The following GDPD1 variants were observed in gnomAD, a reference collection of about 807,000 sequenced individuals.
GDPD1 encodes lysophospholipase D GDPD1.
Under a neutral mutation model 45.1 loss-of-function variants are expected in GDPD1, and 28 were observed. That is an observed-to-expected ratio of 0.62 (90% CI 0.46 to 0.85). GDPD1 has a LOEUF of 0.85. Ranked by LOEUF, GDPD1 falls within the 40% of genes least tolerant of loss-of-function variation. The pLI, the probability that GDPD1 is intolerant of heterozygous loss-of-function variation, is 0.00. For synonymous variants in GDPD1, 139 were observed against 131.4 expected (o/e 1.06, Z -0.40); for missense variants, 256 against 364.8 (o/e 0.70, Z 2.43).
intron 6 of GDPD1, among the ~76,000 whole-genome samples, chr17:59,263,605 A>G (rs1197048561): frequency 6.7e-6 from 1 of 150,196 alleles, no homozygotes; most frequent in African/African-American, 2.5e-5. Flanking sequence ...CAGCCTCCCG[A>G]GTAGCTGGGA....
intron 6 of GDPD1, among the ~76,000 whole-genome samples, chr17:59,259,366 G>A (rs2047334761): frequency 6.6e-6 from 1 of 151,666 alleles, no homozygotes; most frequent in East Asian, 2.0e-4. Flanking sequence ...GGGAGATTGA[G>A]ACCATCCTGG....
At chr17:59,241,990 A>C (rs899594134) in intron 2 of GDPD1, among the ~76,000 whole-genome samples, 2 of 152,162 alleles carry the variant, frequency 1.3e-5, no homozygotes, top group Non-Finnish European at 2.9e-5. Context: ...GTAATTTACT[A>C]TGATGAGGTT....
chr17:59,270,714 T>G (rs1226718551), intron 7 of GDPD1, among the ~76,000 whole-genome samples: 2 of 152,068 alleles, frequency 1.3e-5, no homozygotes, highest in Non-Finnish European at 2.9e-5. Context: ...ATTTATTTAT[T>G]TATTTATTTA....
chr17:59,220,879 G>A, intron 1 of GDPD1, 128 bp downstream of exon 1: 1 of 1,060,052 alleles, frequency 9.4e-7, no homozygotes, highest in African/African-American at 1.6e-5. Flanking sequence ...TGAATTGAGG[G>A]CTCTTCCGGA....
intron 1 of GDPD1, among the ~76,000 whole-genome samples, chr17:59,231,175 A>C (rs1358299355): frequency 6.6e-6 from 1 of 152,122 alleles, no homozygotes; most frequent in Non-Finnish European, 1.5e-5. Context: ...TTACTCCTTG[A>C]TAACTGTTCT....
chr17:59,261,912 G>GATTTTTTT (rs1568349072), intron 6 of GDPD1, among the ~76,000 whole-genome samples: 2 of 98,956 alleles, frequency 2.0e-5, no homozygotes, highest in African/African-American at 5.8e-5. Flanking sequence ...GAGATTACAG[G>GATTTTTTT]CTTTTTTTTT....
intron 4 of GDPD1, among the ~76,000 whole-genome samples, chr17:59,256,141 A>T (rs2047307582): frequency 6.6e-6 from 1 of 151,720 alleles, no homozygotes; most frequent in Non-Finnish European, 1.5e-5. Flanking sequence ...CAAATGCAAA[A>T]CCCCATCTCT....
intron 4 of GDPD1, among the ~76,000 whole-genome samples, chr17:59,255,699 C>T (rs1427755779): frequency 2.3e-5 from 3 of 129,336 alleles, no homozygotes; most frequent in Admixed American, 8.5e-5. Flanking sequence ...GCCGAGATCG[C>T]ACTATCGCAC....
intron 3 of GDPD1, among the ~76,000 whole-genome samples, chr17:59,247,356 T>C (rs781472451): frequency 3.9e-5 from 6 of 152,206 alleles, no homozygotes; most frequent in Admixed American, 1.3e-4. Context: ...TCCACTGCTC[T>C]AAACATTCTG....
chr17:59,265,094 G>C (rs1038487990), intron 6 of GDPD1, among the ~76,000 whole-genome samples: 1 of 152,124 alleles, frequency 6.6e-6, no homozygotes, highest in Non-Finnish European at 1.5e-5. Flanking sequence ...ACCCGCCTTG[G>C]CCTCCCAAAG....
chr17:59,260,968 A>G (rs1170261404), intron 6 of GDPD1: 2 of 152,140 alleles, frequency 1.3e-5, no homozygotes, highest in African/African-American at 2.4e-5. Flanking sequence ...CCACTAAAGC[A>G]AGTAAGTTTG....
At chr17:59,258,232 T>C (rs1276526775) in intron 6 of GDPD1, among the ~76,000 whole-genome samples, 3 of 150,558 alleles carry the variant, frequency 2.0e-5, no homozygotes, top group Non-Finnish European at 4.4e-5. Context: ...TGGCCCTTAT[T>C]ACAGTAATAA....
intron 1 of GDPD1, among the ~76,000 whole-genome samples, chr17:59,232,885 TAAAAAA>T (rs77660195): frequency 6.7e-6 from 1 of 150,282 alleles, no homozygotes; most frequent in African/African-American, 2.4e-5. Flanking sequence ...TCTTCTCACT[TAAAAAA>T]AAAATAACAG....
chr17:59,259,305 C>A (rs1218905221), intron 6 of GDPD1, among the ~76,000 whole-genome samples: 1 of 151,488 alleles, frequency 6.6e-6, no homozygotes, highest in Non-Finnish European at 1.5e-5. Flanking sequence ...CGGTGGCTCA[C>A]GCCTGTAATC....
chr17:59,237,575 T>C (rs1179950336), intron 2 of GDPD1, among the ~76,000 whole-genome samples: 1 of 152,074 alleles, frequency 6.6e-6, no homozygotes, highest in African/African-American at 2.4e-5. Flanking sequence ...AATGACCAGC[T>C]AAAACTTAGA....
intron 4 of GDPD1, among the ~76,000 whole-genome samples, chr17:59,253,874 G>A (rs1000666334): frequency 2.6e-5 from 4 of 152,046 alleles, no homozygotes; most frequent in Non-Finnish European, 4.4e-5. Context: ...TGTGGTGACA[G>A]CTCTATCACA....
At chr17:59,234,671 AT>A in intron 2 of GDPD1, 137 bp downstream of exon 2, 2 of 641,780 alleles carry the variant, frequency 3.1e-6, no homozygotes, top group South Asian at 4.5e-5. Flanking sequence ...TTTTGTTAAA[AT>A]TTCTTTTTTT....
rs1015076070 is a variant in GDPD1, at chr17:59,272,956, C to G, written c.822+120C>G. On this transcript the variant is annotated intron_variant, in intron 9 of 9. Coordinates refer to ENST00000284116, the MANE Select transcript of GDPD1 (RefSeq NM_182569.4). Reference sequence around the variant, plus strand: ...CCTTGACTCTGATGCTGCTGCTTTACTGATCCACAAATGAGGACCTTAAGC... The same window carrying G: ...CCTTGACTCTGATGCTGCTGCTTTAGTGATCCACAAATGAGGACCTTAAGC... 3 of 1,587,020 alleles carry G rather than the reference C, an allele frequency of 1.9e-6. No homozygotes were observed. The African/African-American group carries it at 4.0e-5, about 21-fold the overall frequency.
chr17:59,254,318 A>G (rs1783743337), intron 4 of GDPD1, among the ~76,000 whole-genome samples: 1 of 149,824 alleles, frequency 6.7e-6, no homozygotes, highest in African/African-American at 2.5e-5. Context: ...CCGAGATGGC[A>G]CCGCTGCACT....
Sources: allele counts gnomAD v4.1 joint callset (sites outside exome capture counted in the v4.1 genomes callset), GRCh38; gene constraint gnomAD v4.1.1; transcripts MANE v1.5; gene names NCBI Gene and HGNC (gene_info 2026-07-23, HGNC 2026-07-21).